Variants in MEMO1 observed in about 807,000 individuals in gnomAD.
The protein encoded by MEMO1 is protein MEMO1.
A neutral mutation model predicts 45.2 loss-of-function variants in MEMO1; 6 were observed. The observed-to-expected ratio is 0.13, with a 90% CI of 0.07 to 0.26. MEMO1 has a LOEUF of 0.26. Among genes scored for constraint, MEMO1 ranks in the 10% least tolerant of loss-of-function variants. MEMO1 has a pLI of 1.00. For synonymous variants in MEMO1, 78 were observed against 124.3 expected (o/e 0.63, Z 2.48); for missense variants, 184 against 370.5 (o/e 0.50, Z 4.13).
intron 6 of MEMO1, among the ~76,000 whole-genome samples, chr2:31,903,727 T>TA (rs1679232152): frequency 6.6e-6 from 1 of 152,134 alleles, no homozygotes; most frequent in African/African-American, 2.4e-5. Flanking sequence ...AAAACCTCAG[T>TA]AAATGCTCTA....
At chr2:31,969,227 A>AC (rs1313649857) in intron 2 of MEMO1, among the ~76,000 whole-genome samples, 4 of 151,680 alleles carry the variant, frequency 2.6e-5, no homozygotes, top group African/African-American at 9.7e-5. Context: ...GTCTCATGTT[A>AC]GACTTACTGG....
chr2:32,002,283 A>T (rs1673483692), intron 2 of MEMO1, among the ~76,000 whole-genome samples: 1 of 146,234 alleles, frequency 6.8e-6, no homozygotes, highest in Non-Finnish European at 1.5e-5. Context: ...ATATACATGT[A>T]CATATATACA....
intron 8 of MEMO1, among the ~76,000 whole-genome samples, chr2:31,881,838 C>CA (rs1675431053): frequency 6.6e-6 from 1 of 151,634 alleles, no homozygotes; most frequent in Non-Finnish European, 1.5e-5. Flanking sequence ...CTTGTCTCTA[C>CA]AAAAAAAGAA....
At chr2:31,992,362 G>C (rs60619610) in intron 2 of MEMO1, among the ~76,000 whole-genome samples, 1 of 152,164 alleles carries the variant, frequency 6.6e-6, no homozygotes, top group African/African-American at 2.4e-5. Context: ...GGCCCACAAA[G>C]CCTAAAATAT....
At chr2:31,927,697 TG>T (rs1439362309) in intron 4 of MEMO1, among the ~76,000 whole-genome samples, 1 of 149,660 alleles carries the variant, frequency 6.7e-6, no homozygotes, top group Non-Finnish European at 1.5e-5. Flanking sequence ...TATTAGAAAA[TG>T]TATTTATTTC....
At chr2:31,948,212 A>AAAGATCTATTTT (rs1251002893) in intron 2 of MEMO1, among the ~76,000 whole-genome samples, 1 of 152,062 alleles carries the variant, frequency 6.6e-6, no homozygotes, top group African/African-American at 2.4e-5. Flanking sequence ...TAGATAAAGA[A>AAAGATCTATTTT]AAGATCTATT....
intron 2 of MEMO1, among the ~76,000 whole-genome samples, chr2:31,944,381 G>A (rs1665959389): frequency 6.6e-6 from 1 of 151,928 alleles, no homozygotes; most frequent in South Asian, 2.1e-4. Flanking sequence ...TTTTCATTTT[G>A]TCAAGGAAAA....
intron 6 of MEMO1, among the ~76,000 whole-genome samples, chr2:31,903,230 G>A (rs1572626906): frequency 1.3e-5 from 2 of 152,052 alleles, no homozygotes; most frequent in East Asian, 3.8e-4. Context: ...GTTTCCTAAT[G>A]AGTCTAGAAG....
At chr2:32,007,991 T>C (rs1674313010) in intron 2 of MEMO1, among the ~76,000 whole-genome samples, 1 of 152,234 alleles carries the variant, frequency 6.6e-6, no homozygotes, top group Non-Finnish European at 1.5e-5. Context: ...TAAGGTTCTC[T>C]GTGACAATGC....
At chr2:31,960,064 G>GCGC (rs1180049471) in intron 2 of MEMO1, among the ~76,000 whole-genome samples, 2 of 152,138 alleles carry the variant, frequency 1.3e-5, no homozygotes, top group Non-Finnish European at 2.9e-5. Flanking sequence ...GGGTGTGGCG[G>GCGC]CGCATGCCTA....
intron 3 of MEMO1, among the ~76,000 whole-genome samples, chr2:31,933,345 AAAAATTTATAT>A (rs1269752513): frequency 1.2e-4 from 4 of 34,092 alleles, no homozygotes; most frequent in East Asian, 7.6e-4. Flanking sequence ...AAAAAAAAAA[AAAAATTTATAT>A]ATATATATAT....
chr2:31,981,330 A>G (rs1373932284), intron 2 of MEMO1, among the ~76,000 whole-genome samples: 2 of 152,212 alleles, frequency 1.3e-5, no homozygotes, highest in Non-Finnish European at 2.9e-5. Context: ...CTTGTTATGC[A>G]GCAGTTGGGA....
At chr2:31,926,376 G>T (rs1275408817) in intron 4 of MEMO1, among the ~76,000 whole-genome samples, 1 of 120,212 alleles carries the variant, frequency 8.3e-6, no homozygotes, top group Non-Finnish European at 1.7e-5. Flanking sequence ...TCTCAAAAGG[G>T]AAAAAAAAAA....
intron 5 of MEMO1, among the ~76,000 whole-genome samples, chr2:31,919,592 G>T (rs551878102): frequency 1.3e-5 from 2 of 152,094 alleles, no homozygotes; most frequent in Non-Finnish European, 2.9e-5. Context: ...GCCAAGACAG[G>T]AGAATTGCTT....
chr2:31,957,253 C>T (rs1479433261), intron 2 of MEMO1, among the ~76,000 whole-genome samples: 3 of 151,788 alleles, frequency 2.0e-5, no homozygotes, highest in African/African-American at 4.8e-5. Flanking sequence ...GTATTTTACA[C>T]TACGTACATG....
chr2:31,987,466 A>G (rs1032315632), intron 2 of MEMO1, among the ~76,000 whole-genome samples: 5 of 152,216 alleles, frequency 3.3e-5, no homozygotes, highest in African/African-American at 1.2e-4. Context: ...ACCAATTTAC[A>G]TTTTTCAAAA....
chr2:31,946,736 G>A (rs1459121815), intron 2 of MEMO1, among the ~76,000 whole-genome samples: 4 of 152,034 alleles, frequency 2.6e-5, no homozygotes, highest in African/African-American at 4.8e-5. Flanking sequence ...GGTGGGCCAC[G>A]CCTGCAGTCC....
intron 3 of MEMO1, among the ~76,000 whole-genome samples, chr2:31,936,088 C>T (rs1260448131): frequency 6.6e-6 from 1 of 152,004 alleles, no homozygotes; most frequent in South Asian, 2.1e-4. Flanking sequence ...CTCAGCCTCC[C>T]GAGTAGCTGG....
intron 7 of MEMO1, among the ~76,000 whole-genome samples, chr2:31,887,656 T>C (rs1676395865): frequency 2.0e-5 from 3 of 152,174 alleles, no homozygotes; most frequent in African/African-American, 7.2e-5. Context: ...AATACGATCA[T>C]GCTTTCAATC....
Sources: allele counts gnomAD v4.1 joint callset (sites outside exome capture counted in the v4.1 genomes callset), GRCh38; gene constraint gnomAD v4.1.1; transcripts MANE v1.5; gene names NCBI Gene and HGNC (gene_info 2026-07-23, HGNC 2026-07-21).